The following CRCP variants were observed in gnomAD, a reference collection of about 807,000 sequenced individuals.
CRCP encodes the protein CGRP receptor component.
CRCP carries 18 observed loss-of-function variants against 18.5 expected under a neutral mutation model. The ratio of observed to expected loss-of-function variants is 0.97; its 90% CI spans 0.67 to 1.44. The LOEUF (loss-of-function observed/expected upper bound fraction) is 1.44, where lower values mean the gene tolerates loss of function less well. CRCP is among the 40% of genes most tolerant of loss of function. CRCP has a pLI of 0.00. For synonymous variants in CRCP, 53 were observed against 62.9 expected (o/e 0.84, Z 0.75); for missense variants, 130 against 176.4 (o/e 0.74, Z 1.49).
Position 66,114,988 on chromosome 7 carries a change from C to G in CRCP, c.8+18C>G, listed in dbSNP as rs754804401. The G allele has an allele frequency of 2.5e-6, 4 of 1,607,224 alleles. No homozygotes were observed. Among genetic ancestry groups the G allele is most frequent in the Non-Finnish European group, 3.4e-6 (4 of 1,174,784 alleles). On this transcript the variant is annotated intron_variant, in intron 1 of 5. Transcript: ENST00000395326. ...ATGGAAGTGTAAGTCTTCTCGGGCG[C>G]GTCCCTTTTCGCCCGAGGAGCCCAA... is the stretch of plus-strand genomic sequence containing the variant.
chr7:66,142,469 C>T lies in CRCP; in HGVS notation c.240-2974C>T, dbSNP rs530385137. Among the ~76,000 whole-genome samples the T allele has an allele frequency of 5.9e-5, 9 of 152,228 alleles. No individual in the cohort carries two copies. In the South Asian group the frequency reaches 1.7e-3, roughly 28 times the overall value. ...CTGAACTGCACAGGCCACCAATGACCTCTTGGTTGGCAAATACAGTGACTT... is the reference window on the plus strand; with the variant it reads ...CTGAACTGCACAGGCCACCAATGACTTCTTGGTTGGCAAATACAGTGACTT... On this transcript the variant is annotated intron_variant, in intron 4 of 5. Coordinates refer to ENST00000395326, the MANE Select transcript of CRCP (RefSeq NM_014478.5).
chr7:66,131,240 C>T (rs924145305), intron 3 of CRCP, among the ~76,000 whole-genome samples: 13 of 152,168 alleles, frequency 8.5e-5, no homozygotes, highest in Non-Finnish European at 1.6e-4. Context: ...TCCCAAAGTG[C>T]TGGGATTACA....
chr7:66,122,008 T>C (rs1275647779), intron 1 of CRCP, among the ~76,000 whole-genome samples: 1 of 152,126 alleles, frequency 6.6e-6, no homozygotes, highest in Non-Finnish European at 1.5e-5. Flanking sequence ...CTTGATAGCA[T>C]AGGTTGGGCA....
At chr7:66,151,575 C>CAAAA (rs928350330) in intron 5 of CRCP, among the ~76,000 whole-genome samples, 1 of 144,852 alleles carries the variant, frequency 6.9e-6, no homozygotes, top group African/African-American at 2.5e-5. Flanking sequence ...CCTGCCCCCC[C>CAAAA]AAAAAAAAAA....
At chr7:66,123,935 C>T (rs1787531852) in intron 1 of CRCP, among the ~76,000 whole-genome samples, 1 of 148,958 alleles carries the variant, frequency 6.7e-6, no homozygotes, top group South Asian at 2.1e-4. Context: ...GTCCCAGCTA[C>T]TCCAGAGGCT....
intron 1 of CRCP, among the ~76,000 whole-genome samples, chr7:66,122,623 A>G (rs753745709): frequency 2.0e-5 from 3 of 151,624 alleles, no homozygotes; most frequent in Non-Finnish European, 2.9e-5. Flanking sequence ...TGTAGTATAG[A>G]TTTAGACAGT....
intron 4 of CRCP, among the ~76,000 whole-genome samples, chr7:66,140,584 G>T (rs1788107041): frequency 1.3e-5 from 2 of 152,002 alleles, no homozygotes; most frequent in African/African-American, 4.8e-5. Context: ...TAGAGACGGG[G>T]TTTCTCCATG....
At chr7:66,150,923 C>T (rs1022932473) in intron 5 of CRCP, 1 of 151,996 alleles carries the variant, frequency 6.6e-6, no homozygotes, top group Non-Finnish European at 1.5e-5. Flanking sequence ...GAATTAGGGG[C>T]GAAGCTAAGG....
chr7:66,131,952 G>C (rs1402682184), intron 3 of CRCP, among the ~76,000 whole-genome samples: 4 of 52,154 alleles, frequency 7.7e-5, no homozygotes, highest in Non-Finnish European at 1.6e-4. Flanking sequence ...GTAGAGACAG[G>C]GTTTCTCCAT....
rs181879034 is a variant in CRCP at position 66,127,721 on chromosome 7, C to T, written c.26C>T (p.Ala9Val). MEVKDANS[A>V]LLSNYEVFQL... Reference sequence around the variant, plus strand: ...TTTTTCAGGAAGGATGCCAATTCTGCGCTTCTCAGTAACTACGAGGTAAAT... The same window carrying T: ...TTTTTCAGGAAGGATGCCAATTCTGTGCTTCTCAGTAACTACGAGGTAAAT... The change falls in exon 2 of 6, where the codon GCG becomes GTG. Residue 9 changes from alanine (A) to valine (V), a missense_variant. Coordinates refer to ENST00000395326, the MANE Select transcript of CRCP (RefSeq NM_014478.5). The T allele has an allele frequency of 2.1e-5, 34 of 1,614,124 alleles. No homozygotes were observed. The East Asian group carries it at 2.9e-4, about 14-fold the overall frequency.
chr7:66,117,045 C>T (rs1787287657), intron 1 of CRCP, among the ~76,000 whole-genome samples: 1 of 148,272 alleles, frequency 6.7e-6, no homozygotes, highest in South Asian at 2.2e-4. Context: ...CGCTTGAACT[C>T]GGGAGGCAGG....
At chr7:66,119,329 C>T (rs955149251) in intron 1 of CRCP, among the ~76,000 whole-genome samples, 1 of 152,214 alleles carries the variant, frequency 6.6e-6, no homozygotes, top group African/African-American at 2.4e-5. Flanking sequence ...TCACCCTGTG[C>T]ACCACTTCAT....
chr7:66,129,187 G>C (rs1437517553), intron 2 of CRCP, among the ~76,000 whole-genome samples: 1 of 152,144 alleles, frequency 6.6e-6, no homozygotes, highest in East Asian at 1.9e-4. Flanking sequence ...CAAAAAATTA[G>C]CCGGGCAAGG....
chr7:66,152,018 C>T (rs900397210), intron 5 of CRCP, among the ~76,000 whole-genome samples, 190 bp from the exon 6 acceptor site: 7 of 152,092 alleles, frequency 4.6e-5, no homozygotes, highest in African/African-American at 1.2e-4. Context: ...TTTGATCAGT[C>T]GCATTGGCTC....
intron 3 of CRCP, among the ~76,000 whole-genome samples, chr7:66,131,108 G>C (rs1787789623): frequency 6.6e-6 from 1 of 152,056 alleles, no homozygotes; most frequent in Non-Finnish European, 1.5e-5. Flanking sequence ...CCGAGTAGCT[G>C]GGACTGCAGG....
intron 4 of CRCP, among the ~76,000 whole-genome samples, chr7:66,142,788 TGCC>T (rs2116012032): frequency 1.3e-5 from 2 of 152,336 alleles, no homozygotes; most frequent in East Asian, 3.9e-4. Context: ...TGAGCCACCG[TGCC>T]TGGCTTCTCC....
intron 1 of CRCP, among the ~76,000 whole-genome samples, chr7:66,117,823 C>A (rs544402755): frequency 1.3e-5 from 2 of 152,308 alleles, no homozygotes; most frequent in South Asian, 4.1e-4. Context: ...TTACCACTTG[C>A]CACTCTCCCA....
At chr7:66,116,058 C>G (rs1487037845) in intron 1 of CRCP, among the ~76,000 whole-genome samples, 1 of 152,202 alleles carries the variant, frequency 6.6e-6, no homozygotes, top group Non-Finnish European at 1.5e-5. Context: ...TTTGTACTCC[C>G]AAAGTCCTGG....
intron 4 of CRCP, chr7:66,134,600 A>G: frequency 3.0e-6 from 1 of 335,670 alleles, no homozygotes; most frequent in Non-Finnish European, 5.3e-6. Flanking sequence ...GTGATACTGT[A>G]TTACTCTGCC....
Sources: gnomAD v4.1 joint callset for allele counts (sites outside exome capture counted in the v4.1 genomes callset) on GRCh38, gnomAD v4.1.1 for gene constraint, MANE v1.5 for transcripts, NCBI Gene and HGNC (gene_info 2026-07-23, HGNC 2026-07-21) for gene names.